NDST3: variants seen among roughly 807,000 people sequenced by gnomAD.
NDST3 encodes the protein bifunctional heparan sulfate N-deacetylase/N-sulfotransferase 3.
A neutral mutation model predicts 96.1 loss-of-function variants in NDST3; 58 were observed. The observed-to-expected ratio is 0.60, with a 90% CI of 0.49 to 0.75. The LOEUF (loss-of-function observed/expected upper bound fraction) is 0.75, where lower values mean the gene tolerates loss of function less well. Among genes scored for constraint, NDST3 ranks in the 30% least tolerant of loss-of-function variants. The pLI is 0.00. For synonymous variants in NDST3, 333 were observed against 359.7 expected (o/e 0.93, Z 0.84); for missense variants, 788 against 1,034.2 (o/e 0.76, Z 3.27).
intron 2 of NDST3, among the ~76,000 whole-genome samples, chr4:118,101,491 T>C (rs181356565): frequency 6.6e-6 from 1 of 152,272 alleles, no homozygotes; most frequent in East Asian, 1.9e-4. Flanking sequence ...TTGCACACTA[T>C]GTTCCCTTCT....
intron 1 of NDST3, among the ~76,000 whole-genome samples, chr4:118,048,878 A>G (rs1673565564): frequency 6.6e-6 from 1 of 152,158 alleles, no homozygotes; most frequent in South Asian, 2.1e-4. Context: ...ACTAGATCTA[A>G]TAGATATCTA....
At chr4:118,063,191 A>G (rs1159283890) in intron 2 of NDST3, among the ~76,000 whole-genome samples, 2 of 7,054 alleles carry the variant, frequency 2.8e-4, no homozygotes, top group Admixed American at 7.4e-3. Context: ...ACTCCGTTTA[A>G]AAAAAAAAAA....
chr4:118,145,073 A>T (rs534675666), intron 6 of NDST3, among the ~76,000 whole-genome samples: 1 of 152,364 alleles, frequency 6.6e-6, no homozygotes, highest in Admixed American at 6.5e-5. Context: ...TCCCAAAAAT[A>T]CAAATAAGTC....
intron 4 of NDST3, among the ~76,000 whole-genome samples, chr4:118,135,817 G>T (rs1322940887): frequency 6.6e-6 from 1 of 152,142 alleles, no homozygotes; most frequent in East Asian, 1.9e-4. Context: ...GGTCGAGGAT[G>T]CAGTAAGCTA....
At chr4:118,118,150 C>A (rs1463430466) in intron 4 of NDST3, among the ~76,000 whole-genome samples, 1 of 152,188 alleles carries the variant, frequency 6.6e-6, no homozygotes, top group Admixed American at 6.5e-5. Flanking sequence ...TGGAACAAAG[C>A]AAATGTTTAA....
chr4:118,206,273 G>T (rs1738438494), intron 6 of NDST3, among the ~76,000 whole-genome samples: 1 of 144,722 alleles, frequency 6.9e-6, no homozygotes. Flanking sequence ...TATTATAATA[G>T]AAGTATTTAT....
At chr4:118,185,948 T>C (rs1736924828) in intron 6 of NDST3, among the ~76,000 whole-genome samples, 1 of 152,200 alleles carries the variant, frequency 6.6e-6, no homozygotes, top group African/African-American at 2.4e-5. Context: ...ACCAAAACTT[T>C]AGTCATTGAT....
intron 6 of NDST3, among the ~76,000 whole-genome samples, chr4:118,165,975 T>A (rs1473216043): frequency 1.3e-5 from 2 of 150,414 alleles, no homozygotes; most frequent in African/African-American, 4.9e-5. Flanking sequence ...AGAATTAAAA[T>A]AAATAGTTTA....
At chr4:118,083,932 T>C (rs1229537451) in intron 2 of NDST3, among the ~76,000 whole-genome samples, 1 of 152,200 alleles carries the variant, frequency 6.6e-6, no homozygotes, top group Non-Finnish European at 1.5e-5. Flanking sequence ...TATGCCTTTG[T>C]GACAGAAAAT....
intron 1 of NDST3, among the ~76,000 whole-genome samples, chr4:118,044,281 G>A (rs561196650): frequency 9.2e-5 from 14 of 152,264 alleles, no homozygotes; most frequent in African/African-American, 1.4e-4. Flanking sequence ...TCATAAGAAC[G>A]TACATAACTG....
intron 2 of NDST3, among the ~76,000 whole-genome samples, chr4:118,102,029 C>T (rs2125846426): frequency 6.6e-6 from 1 of 151,732 alleles, no homozygotes; most frequent in East Asian, 1.9e-4. Flanking sequence ...TATTTTATGG[C>T]ACTAATTTAC....
intron 2 of NDST3, among the ~76,000 whole-genome samples, chr4:118,087,712 T>C (rs1465984475): frequency 6.6e-6 from 1 of 151,998 alleles, no homozygotes; most frequent in Non-Finnish European, 1.5e-5. Flanking sequence ...AAGTCAAACC[T>C]TGCATACAAG....
intron 10 of NDST3, among the ~76,000 whole-genome samples, chr4:118,237,683 C>CAT (rs1487251147): frequency 6.6e-6 from 1 of 152,150 alleles, no homozygotes; most frequent in East Asian, 1.9e-4. Flanking sequence ...TATGTAAATG[C>CAT]ATAAGCATTC....
intron 4 of NDST3, among the ~76,000 whole-genome samples, chr4:118,120,394 G>C (rs1452551122): frequency 6.6e-6 from 1 of 152,136 alleles, no homozygotes; most frequent in Non-Finnish European, 1.5e-5. Context: ...GGTAAGGCAA[G>C]ACAGGGTAAG....
chr4:118,230,061 T>G (rs1466166175), intron 8 of NDST3, among the ~76,000 whole-genome samples: 2 of 152,160 alleles, frequency 1.3e-5, no homozygotes, highest in African/African-American at 4.8e-5. Flanking sequence ...TTAAATAATT[T>G]TTGTTCAAAT....
At chr4:118,246,159 T>C (rs1382435838) in intron 12 of NDST3, among the ~76,000 whole-genome samples, 2 of 152,218 alleles carry the variant, frequency 1.3e-5, no homozygotes, top group East Asian at 1.9e-4. Context: ...TTCATAAATA[T>C]GTAATCATAA....
At chr4:118,057,898 C>T (rs1232434028) in intron 2 of NDST3, among the ~76,000 whole-genome samples, 1 of 151,988 alleles carries the variant, frequency 6.6e-6, no homozygotes, top group Non-Finnish European at 1.5e-5. Context: ...ACCAACCGTC[C>T]TGGTTTGTCC....
intron 12 of NDST3, among the ~76,000 whole-genome samples, chr4:118,248,717 T>G (rs1326383490): frequency 1.3e-5 from 2 of 152,222 alleles, no homozygotes; most frequent in Non-Finnish European, 2.9e-5. Flanking sequence ...AAAGATAGTT[T>G]CCTTGCTGTT....
intron 6 of NDST3, among the ~76,000 whole-genome samples, chr4:118,189,181 C>G (rs999127972): frequency 2.0e-5 from 3 of 152,110 alleles, no homozygotes; most frequent in Non-Finnish European, 2.9e-5. Flanking sequence ...TCCCAAGTAG[C>G]TGGGACCACA....
Sources: allele counts gnomAD v4.1 joint callset (sites outside exome capture counted in the v4.1 genomes callset), GRCh38; gene constraint gnomAD v4.1.1; transcripts MANE v1.5; gene names NCBI Gene and HGNC (gene_info 2026-07-23, HGNC 2026-07-21).